IPO11: variants seen among roughly 807,000 people sequenced by gnomAD.
IPO11 encodes importin 11, also known as importin-11.
In IPO11, 66 loss-of-function variants were observed where a neutral mutation model predicts 143.2. The observed-to-expected ratio is 0.46, with a 90% confidence interval of 0.38 to 0.57. The LOEUF (loss-of-function observed/expected upper bound fraction) is 0.57, where lower values mean the gene tolerates loss of function less well. IPO11 is among the 20% of genes least tolerant of loss of function. The pLI, the probability that IPO11 is intolerant of heterozygous loss-of-function variation, is 0.00. For synonymous variants in IPO11, 385 were observed against 377.8 expected (o/e 1.02, Z -0.22); for missense variants, 1,026 against 1,141.0 (o/e 0.90, Z 1.45).
chr5:62,418,920 TAC>T, intron 1 of IPO11: 1 of 1,422,354 alleles, frequency 7.0e-7, no homozygotes, highest in South Asian at 1.4e-5. Context: ...TCATAGAAGA[TAC>T]AGTCACGAGT....
At position 62,488,757 on chromosome 5, in the gene IPO11, C is replaced by T. The variant is rs186019253; in HGVS notation, c.1310-545C>T. ...GTGACTCACGCCTGTAATTCCAGCACTTTGGGAGGCTGAGGTGGGCAGATC... is the reference window on the plus strand; with the variant it reads ...GTGACTCACGCCTGTAATTCCAGCATTTTGGGAGGCTGAGGTGGGCAGATC... On this transcript the variant is annotated intron_variant, in intron 13 of 29. Transcript: ENST00000325324. Among the ~76,000 whole-genome samples, 629 of 152,270 alleles carry T rather than the reference C, an allele frequency of 4.1e-3. 4 individuals carry two copies. The highest frequency in any genetic ancestry group is 0.015 in the African/African-American group (607 of 41,550).
intron 1 of IPO11, chr5:62,418,945 G>C: frequency 6.6e-7 from 1 of 1,513,440 alleles, no homozygotes; most frequent in Non-Finnish European, 8.9e-7. Context: ...CTTAAGGCTG[G>C]GATACATCCT....
intron 28 of IPO11, chr5:62,601,081 T>G (rs557490536): frequency 6.6e-6 from 1 of 152,354 alleles, no homozygotes; most frequent in East Asian, 1.9e-4. Flanking sequence ...GATAAATTAC[T>G]GAATTCTCCT....
intron 29 of IPO11, among the ~76,000 whole-genome samples, chr5:62,606,698 G>C (rs916835372): frequency 1.3e-5 from 2 of 152,046 alleles, no homozygotes; most frequent in Non-Finnish European, 2.9e-5. Flanking sequence ...TTAGCCGGGC[G>C]TGGTGGCATG....
chr5:62,424,520 C>T (rs911437748), intron 1 of IPO11, among the ~76,000 whole-genome samples: 14 of 100,246 alleles, frequency 1.4e-4, no homozygotes, highest in African/African-American at 6.5e-4. Flanking sequence ...GCAACCTCTG[C>T]CTCTGCCACC....
In IPO11 at chr5:62,449,915, T is replaced by C. The variant is rs59375542; in HGVS notation, c.240-12T>C. The C allele has an allele frequency of 2.6e-6, 4 of 1,546,768 alleles. No individual in the cohort carries two copies. The highest frequency in any genetic ancestry group is 2.8e-5 in the African/African-American group (2 of 71,840). ...ATTCTTTTGCATAATCAATACTTTTTTTTTTTTACAGTGCTCTCTCAGAGG... is the reference window on the plus strand; with the variant it reads ...ATTCTTTTGCATAATCAATACTTTTCTTTTTTTACAGTGCTCTCTCAGAGG... On this transcript the variant is annotated splice_polypyrimidine_tract_variant and intron_variant, in intron 3 of 29. Coordinates refer to ENST00000325324, the MANE Select transcript of IPO11 (RefSeq NM_016338.5).
chr5:62,541,794 A>G (rs1440391744), intron 24 of IPO11, among the ~76,000 whole-genome samples: 2 of 152,202 alleles, frequency 1.3e-5, no homozygotes, highest in Non-Finnish European at 2.9e-5. Context: ...AACTTACTGC[A>G]TATCAAAAAT....
intron 15 of IPO11, among the ~76,000 whole-genome samples, chr5:62,492,730 G>GT (rs1746662724): frequency 6.6e-6 from 1 of 151,894 alleles, no homozygotes; most frequent in Non-Finnish European, 1.5e-5. Flanking sequence ...TTTTGGTAGG[G>GT]TTTTATCATA....
rs1554050896 is a variant in IPO11 at position 62,491,666 on chromosome 5, G to GA, written c.1463+1446_1463+1447insA. ...TTGGGATATGTAAAAATATTAATAAGTTTTTTTTTTTTTTTTTGAGATGGA... is the reference window on the plus strand; with the variant it reads ...TTGGGATATGTAAAAATATTAATAAGATTTTTTTTTTTTTTTTTGAGATGGA... On this transcript the variant is annotated intron_variant, in intron 15 of 29. Transcript: ENST00000325324. Among the ~76,000 whole-genome samples the GA allele has an allele frequency of 7.6e-3, 1,058 of 140,048 alleles. 11 individuals carry two copies. Among genetic ancestry groups the GA allele is most frequent in the African/African-American group, 0.026 (995 of 38,346 alleles). The allele number at this position is 140,048 out of a possible 152,430, so 91.9% of individuals were successfully genotyped here. A position where few individuals can be genotyped will look rare whatever the true frequency, so the allele number is the denominator to read the frequency against.
At chr5:62,615,199 G>A (rs1746086285) in intron 29 of IPO11, among the ~76,000 whole-genome samples, 1 of 152,140 alleles carries the variant, frequency 6.6e-6, no homozygotes, top group Admixed American at 6.5e-5. Flanking sequence ...CAGGCTTGAG[G>A]GTGAGGCCTT....
chr5:62,439,443 C>T (rs785667), intron 2 of IPO11, among the ~76,000 whole-genome samples: 13,706 of 151,778 alleles, frequency 0.09, 668 homozygotes, highest in East Asian at 0.14. Flanking sequence ...CCCGCCACCA[C>T]GCCTGGCTAA....
rs766595743 is a variant in IPO11 at position 62,536,798 on chromosome 5, T to C, written c.2169+17T>C. 1 of 1,504,650 alleles carries C rather than the reference T, an allele frequency of 6.6e-7. No homozygotes were observed. Among genetic ancestry groups the C allele is most frequent in the East Asian group, 2.5e-5 (1 of 39,428 alleles). 93.2% of individuals were successfully genotyped at this position (1,504,650 alleles called of 1,614,324 possible). On this transcript the variant is annotated intron_variant, in intron 23 of 29. Coordinates refer to ENST00000325324, the MANE Select transcript of IPO11 (RefSeq NM_016338.5). ...TTTTTACAGGTATGTTGGAGTACTT[T>C]TGCATTATATGAAATTATATAATTA...
At position 62,561,576 on chromosome 5, in the gene IPO11, T is replaced by C. The variant is rs572729827; in HGVS notation, c.2582+319T>C. ...ATCTTCAGTCCTCTGTTTACATAGATATATTAAATATCTAACATTTCAAAG... is the reference window on the plus strand; with the variant it reads ...ATCTTCAGTCCTCTGTTTACATAGACATATTAAATATCTAACATTTCAAAG... On this transcript the variant is annotated intron_variant, in intron 27 of 29. Transcript: ENST00000325324. 2.0e-4 allele frequency among the ~76,000 whole-genome samples: 31 copies of C among 152,320 alleles called. No homozygotes were observed. The Middle Eastern group carries it at 0.014, about 67-fold the overall frequency.
intron 29 of IPO11, among the ~76,000 whole-genome samples, chr5:62,621,764 C>T (rs1746385913): frequency 6.6e-6 from 1 of 152,084 alleles, no homozygotes; most frequent in Non-Finnish European, 1.5e-5. Flanking sequence ...ACGTCTTTTA[C>T]AAATTTGAAT....
At chr5:62,523,883 A>G (rs1278112625) in intron 20 of IPO11, among the ~76,000 whole-genome samples, 1 of 152,036 alleles carries the variant, frequency 6.6e-6, no homozygotes, top group Non-Finnish European at 1.5e-5. Context: ...CTACCCTGAG[A>G]ATGGTATTTG....
intron 24 of IPO11, among the ~76,000 whole-genome samples, chr5:62,542,867 A>G (rs1743012923): frequency 6.6e-6 from 1 of 152,142 alleles, no homozygotes; most frequent in African/African-American, 2.4e-5. Context: ...TGTTAAGCCA[A>G]GTTTCTTTTT....
At chr5:62,593,404 T>G (rs542886618) in intron 28 of IPO11, among the ~76,000 whole-genome samples, 2 of 152,234 alleles carry the variant, frequency 1.3e-5, no homozygotes, top group Admixed American at 6.5e-5. Context: ...ATCCCAGCAC[T>G]TTGAGAGACT....
intron 20 of IPO11, among the ~76,000 whole-genome samples, chr5:62,519,684 T>G (rs1433911578): frequency 6.6e-6 from 1 of 152,262 alleles, no homozygotes; most frequent in Non-Finnish European, 1.5e-5. Flanking sequence ...ATAAACTTGG[T>G]GGCTTAAAAC....
intron 26 of IPO11, among the ~76,000 whole-genome samples, chr5:62,551,885 G>A (rs1309431853): frequency 6.6e-6 from 1 of 152,150 alleles, no homozygotes; most frequent in Admixed American, 6.6e-5. Context: ...CAGCACTTTG[G>A]GAGGCTGAGG....
Sources: gnomAD v4.1 joint callset for allele counts (sites outside exome capture counted in the v4.1 genomes callset) on GRCh38, gnomAD v4.1.1 for gene constraint, MANE v1.5 for transcripts, NCBI Gene and HGNC (gene_info 2026-07-23, HGNC 2026-07-21) for gene names.